Variants in SLC9A7 observed in about 807,000 individuals in gnomAD.
SLC9A7 encodes the protein solute carrier family 9 member A7, also known as sodium/hydrogen exchanger 7.
In SLC9A7, 19 loss-of-function variants were observed where a neutral mutation model predicts 52.6. The observed-to-expected ratio is 0.36, with a 90% CI of 0.25 to 0.53. The LOEUF is 0.53. SLC9A7 is among the 20% of genes least tolerant of loss of function. The probability of loss-of-function intolerance (pLI) is 0.91; values close to 1 mark genes in which losing one functional copy is unlikely to be tolerated. For missense variants in SLC9A7, 455 were observed against 597.9 expected (o/e 0.76, Z 2.49); for synonymous variants, 226 against 252.1 (o/e 0.90, Z 0.98).
chrX:46,726,180 G>A (rs1191336799), intron 1 of SLC9A7, among the ~76,000 whole-genome samples: 1 of 110,927 alleles, frequency 9.0e-6, no homozygotes, highest in Non-Finnish European at 1.9e-5. Flanking sequence ...TTTGAGCCCA[G>A]GACATTGGGG....
intron 1 of SLC9A7, among the ~76,000 whole-genome samples, 154 bp from the exon 2 acceptor site, chrX:46,682,689 C>T (rs1200237103): frequency 9.0e-6 from 1 of 111,619 alleles, no homozygotes; most frequent in African/African-American, 3.3e-5. Flanking sequence ...CATGGGCCTT[C>T]AGGATTGAAA....
In SLC9A7 at chrX:46,663,241, G is replaced by T. The variant is rs199739716; in HGVS notation, c.794-598C>A. Among the ~76,000 whole-genome samples, 27 of 111,382 alleles carry T rather than the reference G, an allele frequency of 2.4e-4. No homozygotes were observed. The East Asian group carries it at 7.4e-3, about 30-fold the overall frequency. On this transcript the variant is annotated intron_variant, in intron 5 of 16. Transcript: ENST00000616978. ...CCAGCTACTTGAGAGGCTGAGGCAG[G>T]AGAATCACTTGAACCCAGGAGGCGG...
At chrX:46,654,208 A>G (rs1246948380) in intron 7 of SLC9A7, among the ~76,000 whole-genome samples, 2 of 110,500 alleles carry the variant, frequency 1.8e-5, no homozygotes, top group Non-Finnish European at 3.8e-5. Context: ...TGGCCAACAT[A>G]CTGAAACCCT....
chrX:46,657,436 T>TA (rs1274394946), intron 7 of SLC9A7, among the ~76,000 whole-genome samples: 2 of 110,297 alleles, frequency 1.8e-5, no homozygotes, highest in Non-Finnish European at 3.8e-5. Flanking sequence ...GCAAATTGGA[T>TA]AAAGAGTCAA....
intron 11 of SLC9A7, among the ~76,000 whole-genome samples, chrX:46,644,915 A>AG (rs1343924908): frequency 8.9e-6 from 1 of 112,130 alleles, no homozygotes; most frequent in Non-Finnish European, 1.9e-5. Context: ...ATACACATCT[A>AG]GGTCACCCTA....
intron 7 of SLC9A7, among the ~76,000 whole-genome samples, chrX:46,659,905 T>G (rs149984612): frequency 9.5e-6 from 1 of 105,061 alleles, no homozygotes; most frequent in Non-Finnish European, 1.9e-5. Flanking sequence ...AAAAAGAGCC[T>G]GCATCGCCAA....
intron 1 of SLC9A7, among the ~76,000 whole-genome samples, chrX:46,698,278 G>A (rs1380090455): frequency 9.0e-6 from 1 of 111,222 alleles, no homozygotes; most frequent in Non-Finnish European, 1.9e-5. Flanking sequence ...GCTTGTTTTT[G>A]CGGCTTGTGG....
intron 1 of SLC9A7, among the ~76,000 whole-genome samples, chrX:46,711,101 G>C (rs933869045): frequency 8.9e-6 from 1 of 112,657 alleles, no homozygotes; most frequent in Non-Finnish European, 1.9e-5. Flanking sequence ...AATGGAGAAG[G>C]CCCCCTGTTG....
intron 1 of SLC9A7, among the ~76,000 whole-genome samples, chrX:46,710,554 C>T (rs771557539): frequency 9.0e-6 from 1 of 110,716 alleles, no homozygotes; most frequent in South Asian, 3.9e-4. Context: ...CTGGAATGCA[C>T]CTGAGATTCG....
intron 11 of SLC9A7, among the ~76,000 whole-genome samples, chrX:46,645,983 T>A (rs1943485072): frequency 8.9e-6 from 1 of 112,775 alleles, no homozygotes; most frequent in Non-Finnish European, 1.9e-5. Flanking sequence ...TTATATACTT[T>A]TTTTTGTAAA....
chrX:46,654,989 T>C (rs1470043333), intron 7 of SLC9A7, among the ~76,000 whole-genome samples: 3 of 99,125 alleles, frequency 3.0e-5, no homozygotes, highest in East Asian at 3.1e-4. Flanking sequence ...TTTCTTTTTT[T>C]TTTTTTTTTT....
chrX:46,722,536 C>T (rs1232066722), intron 1 of SLC9A7, among the ~76,000 whole-genome samples: 3 of 112,089 alleles, frequency 2.7e-5, no homozygotes, highest in Admixed American at 9.4e-5. Flanking sequence ...TAAAATTCCA[C>T]GAGGCAAAGA....
At chrX:46,738,487 T>C (rs1361422147) in intron 1 of SLC9A7, among the ~76,000 whole-genome samples, 1 of 112,011 alleles carries the variant, frequency 8.9e-6, no homozygotes, top group Admixed American at 9.5e-5. Flanking sequence ...CCAAATAGCA[T>C]TGCCTGGCAT....
At chrX:46,711,856 A>G (rs1304531812) in intron 1 of SLC9A7, among the ~76,000 whole-genome samples, 1 of 105,306 alleles carries the variant, frequency 9.5e-6, no homozygotes. Context: ...AAACGAGAAA[A>G]CAACCAGGGA....
intron 1 of SLC9A7, among the ~76,000 whole-genome samples, chrX:46,711,876 C>CT (rs1430800844): frequency 1.0e-5 from 1 of 95,396 alleles, no homozygotes; most frequent in Non-Finnish European, 2.1e-5. Context: ...AAGGCACTCC[C>CT]TTTAACGGCA....
At chrX:46,758,470 C>CT (rs1922844844) in intron 1 of SLC9A7, among the ~76,000 whole-genome samples, 1 of 112,014 alleles carries the variant, frequency 8.9e-6, no homozygotes, top group South Asian at 3.7e-4. Context: ...ACCTCTGTCC[C>CT]TTTCATTTTC....
chrX:46,741,796 C>T (rs1002975364), intron 1 of SLC9A7, among the ~76,000 whole-genome samples: 1 of 108,955 alleles, frequency 9.2e-6, no homozygotes, highest in Non-Finnish European at 1.9e-5. Flanking sequence ...TGGACTGCAT[C>T]GAAATTTAAA....
intron 13 of SLC9A7, among the ~76,000 whole-genome samples, chrX:46,632,838 T>C (rs1162031177): frequency 2.7e-5 from 3 of 111,632 alleles, no homozygotes; most frequent in African/African-American, 9.8e-5. Context: ...TGCATCAAGA[T>C]AGCCTTGAGA....
At chrX:46,684,406 T>C (rs1243715401) in intron 1 of SLC9A7, among the ~76,000 whole-genome samples, 1 of 111,691 alleles carries the variant, frequency 9.0e-6, no homozygotes, top group East Asian at 2.8e-4. Flanking sequence ...GGTTTCACCA[T>C]GTTGGCTAGG....
Sources: allele counts gnomAD v4.1 joint callset (sites outside exome capture counted in the v4.1 genomes callset), GRCh38; gene constraint gnomAD v4.1.1; transcripts MANE v1.5; gene names NCBI Gene and HGNC (gene_info 2026-07-23, HGNC 2026-07-21).